The following TNFRSF11B variants were observed in gnomAD, a reference collection of about 807,000 sequenced individuals.
TNFRSF11B encodes tumor necrosis factor receptor superfamily member 11B.
Under a neutral mutation model 43.4 loss-of-function variants are expected in TNFRSF11B, and 16 were observed. The ratio of observed to expected loss-of-function variants is 0.37; its 90% confidence interval spans 0.25 to 0.56. The LOEUF is 0.56. TNFRSF11B is among the 20% of genes least tolerant of loss of function. The pLI is 0.80. For missense variants in TNFRSF11B, 444 were observed against 490.1 expected, an observed-to-expected ratio of 0.91 and a Z score of 0.89; for synonymous variants, 185 against 181.8, an observed-to-expected ratio of 1.02 and a Z score of -0.14.
intron 2 of TNFRSF11B, 111 bp from the exon 3 acceptor site, chr8:118,929,040 T>G: frequency 1.1e-6 from 1 of 906,198 alleles, no homozygotes; most frequent in African/African-American, 1.6e-5. Context: ...CTGCTACTAT[T>G]ATGTTGCACA....
At position 118,948,980 on chromosome 8, in the gene TNFRSF11B, A is replaced by C. The variant is rs554256125; in HGVS notation, c.30+2812T>G. On this transcript the variant is annotated intron_variant, in intron 1 of 4. Transcript: ENST00000297350. ...TCCTAGTATCATAACATTAATTCAG[A>C]ACTTAGCTTTGAGAAGTTCAATGGA... is the stretch of plus-strand genomic sequence containing the variant. Among the ~76,000 whole-genome samples, 110 of 152,172 alleles carry C rather than the reference A, an allele frequency of 7.2e-4. 3 individuals are homozygous for C. The South Asian group carries it at 0.022, about 31-fold the overall frequency.
At chr8:118,933,347 G>A (rs1279607896) in intron 1 of TNFRSF11B, 47 bp from the exon 2 acceptor site, 4 of 1,606,978 alleles carry the variant, frequency 2.5e-6, no homozygotes, top group African/African-American at 2.7e-5. Context: ...CATGAAAATA[G>A]GTTTGTTCTT....
At chr8:118,949,758 C>A (rs1264311263) in intron 1 of TNFRSF11B, among the ~76,000 whole-genome samples, 1 of 152,188 alleles carries the variant, frequency 6.6e-6, no homozygotes, top group African/African-American at 2.4e-5. Flanking sequence ...TAGTGTCTAT[C>A]TTGCTTTTCA....
intron 2 of TNFRSF11B, among the ~76,000 whole-genome samples, chr8:118,932,634 C>A (rs538932789): frequency 6.8e-5 from 10 of 146,292 alleles, no homozygotes; most frequent in African/African-American, 2.6e-4. Context: ...GATCAACTAT[C>A]AATAGTGCAA....
intron 1 of TNFRSF11B, 43 bp downstream of exon 1, chr8:118,951,749 C>T: frequency 6.4e-7 from 1 of 1,563,710 alleles, no homozygotes; most frequent in Non-Finnish European, 8.7e-7. Flanking sequence ...TGGCAGCAGC[C>T]TCCCCAGGCG....
Position 118,924,405 on chromosome 8 carries a change from TGG to T in TNFRSF11B, c.1173_1174del (p.Asn391LysfsTer17). On this transcript the variant is annotated frameshift_variant, in exon 5 of 5. Coordinates refer to ENST00000297350, the MANE Select transcript of TNFRSF11B (RefSeq NM_002546.4). LOFTEE classifies it high-confidence loss of function. ...GCAGCTTATTTTTACTGATTGGACC[TGG>T]TTACCTATCATTTCTAAAAATAACT... The T allele has an allele frequency of 3.7e-6, 6 of 1,614,206 alleles. No individual in the cohort carries two copies. Among genetic ancestry groups the T allele is most frequent in the Non-Finnish European group, 5.1e-6 (6 of 1,180,002 alleles).
In TNFRSF11B at chr8:118,950,359, C is replaced by T. The variant is rs143131891; in HGVS notation, c.30+1433G>A. Among the ~76,000 whole-genome samples the T allele has an allele frequency of 1.7e-4, 26 of 152,278 alleles. No individual in the cohort carries two copies. In the East Asian group the frequency reaches 4.8e-3, roughly 28 times the overall value. On this transcript the variant is annotated intron_variant, in intron 1 of 4. Coordinates refer to ENST00000297350, the MANE Select transcript of TNFRSF11B (RefSeq NM_002546.4). ...AACGGACAAATTATTCTATATCCTA[C>T]AGTAGAGATGAATCTCACAACAGAA...
At chr8:118,951,623 G>T (rs184857352) in intron 1 of TNFRSF11B, among the ~76,000 whole-genome samples, 169 bp downstream of exon 1, 1 of 152,170 alleles carries the variant, frequency 6.6e-6, no homozygotes, top group Non-Finnish European at 1.5e-5. Flanking sequence ...CACCCTAGGG[G>T]AAGCATGGCA....
chr8:118,930,662 T>C (rs1479453701), intron 2 of TNFRSF11B: 2 of 413,584 alleles, frequency 4.8e-6, no homozygotes, highest in Non-Finnish European at 1.0e-5. Flanking sequence ...TCTGCCCGCC[T>C]TGACCTCTCA....
chr8:118,931,361 T>A (rs547318055), intron 2 of TNFRSF11B, among the ~76,000 whole-genome samples: 3 of 152,324 alleles, frequency 2.0e-5, no homozygotes, highest in East Asian at 3.9e-4. Flanking sequence ...GTCTTCTGGC[T>A]GCCTGCTTGC....
Position 118,924,760 on chromosome 8 carries a change from T to C in TNFRSF11B, c.820A>G (p.Ile274Val). ...QDIVKKIIQD[I>V]DLCENSVQRH... ...TGCACGCTGTTTTCACAGAGGTCAA[T>C]ATCTGCATAAAGCAAAAGCCCAGAT... Residue 274 changes from isoleucine (I) to valine (V), a missense_variant and splice_region_variant, in exon 5 of 5, where the codon ATT becomes GTT. Transcript: ENST00000297350. 6.2e-7 allele frequency: 1 copy of C among 1,614,144 alleles called. No individual in the cohort carries two copies. Among genetic ancestry groups the C allele is most frequent in the Non-Finnish European group, 8.5e-7 (1 of 1,180,024 alleles).
In TNFRSF11B at chr8:118,933,150, C is replaced by A; in HGVS notation, c.181G>T (p.Val61Leu). ...TAGTGGTCAGGGCAAGGGGCGCACA[C>A]GGTCTTCCACTTTGCTGTACAGTGT... Reference protein sequence around the residue: ...KQHCTAKWKTVCAPCPDHYYT... With the variant: ...KQHCTAKWKTLCAPCPDHYYT... Residue 61 changes from valine to leucine, a missense_variant, in exon 2 of 5, where the codon GTG (valine) becomes TTG (leucine). Transcript: ENST00000297350. 6.2e-7 allele frequency: 1 copy of A among 1,614,168 alleles called. No individual in the cohort carries two copies. Among genetic ancestry groups the A allele is most frequent in the Non-Finnish European group, 8.5e-7 (1 of 1,180,038 alleles).
chr8:118,933,034 G>A lies in TNFRSF11B; in HGVS notation c.297C>T (p.Arg99=), dbSNP rs1443231964. Residue 99 remains arginine (R), a synonymous_variant, in exon 2 of 5, where the codon CGC becomes CGT. Transcript: ENST00000297350. ...ELQYVKQECN[R]THNRVCECKE... is the part of the protein sequence containing the mutation. The stretch of plus-strand genomic sequence containing the variant: ...TGCATTCGCACACGCGGTTGTGGGT[G>A]CGATTGCACTCCTGCTTGACGTACT... 2 of 1,614,164 alleles carry A rather than the reference G, an allele frequency of 1.2e-6. No individual in the cohort carries two copies. The highest frequency in any genetic ancestry group is 1.6e-4 in the Middle Eastern group (1 of 6,062).
At chr8:118,931,220 T>C (rs1812324127) in intron 2 of TNFRSF11B, among the ~76,000 whole-genome samples, 1 of 152,172 alleles carries the variant, frequency 6.6e-6, no homozygotes, top group South Asian at 2.1e-4. Context: ...ACATAGTCTT[T>C]CCTTCTCTTT....
At chr8:118,943,019 G>C (rs1338533129) in intron 1 of TNFRSF11B, among the ~76,000 whole-genome samples, 1 of 152,070 alleles carries the variant, frequency 6.6e-6, no homozygotes, top group Admixed American at 6.6e-5. Context: ...GTGAATAAAT[G>C]CTTCTCCCTT....
chr8:118,928,126 C>T (rs911363563), intron 3 of TNFRSF11B, among the ~76,000 whole-genome samples: 2 of 151,890 alleles, frequency 1.3e-5, no homozygotes, highest in Admixed American at 6.6e-5. Flanking sequence ...TGGGTTCAAG[C>T]GATTCTCCTG....
chr8:118,948,495 T>C (rs189919615), intron 1 of TNFRSF11B, among the ~76,000 whole-genome samples: 119 of 152,282 alleles, frequency 7.8e-4, no homozygotes, highest in Non-Finnish European at 1.2e-3. Context: ...TGTGTTTAGT[T>C]CCTTTTGATC....
chr8:118,933,433 G>A (rs1485611370), intron 1 of TNFRSF11B, 133 bp from the exon 2 acceptor site: 174 of 1,399,114 alleles, frequency 1.2e-4, no homozygotes, highest in East Asian at 4.8e-5. Context: ...AGTAAGCTTG[G>A]AAGCCATAAT....
intron 1 of TNFRSF11B, among the ~76,000 whole-genome samples, chr8:118,947,308 G>A (rs1047873713): frequency 4.0e-5 from 6 of 150,324 alleles, no homozygotes; most frequent in African/African-American, 1.5e-4. Flanking sequence ...GCCAGTAGAC[G>A]ATCCAACACC....
Sources: allele counts gnomAD v4.1 joint callset (sites outside exome capture counted in the v4.1 genomes callset), GRCh38; gene constraint gnomAD v4.1.1; transcripts MANE v1.5; gene names NCBI Gene and HGNC (gene_info 2026-07-23, HGNC 2026-07-21).